Variants in LPP observed in about 807,000 individuals in gnomAD.
LPP encodes the protein LIM domain containing preferred translocation partner in lipoma.
A neutral mutation model predicts 60.4 loss-of-function variants in LPP; 38 were observed. The ratio of observed to expected loss-of-function variants is 0.63; its 90% confidence interval spans 0.49 to 0.83. The LOEUF (loss-of-function observed/expected upper bound fraction) is 0.83, where lower values mean the gene tolerates loss of function less well. Ranked by LOEUF, LPP falls within the 40% of genes least tolerant of loss-of-function variation. The pLI is 0.00. For synonymous variants in LPP, 328 were observed against 290.8 expected (o/e 1.13, Z -1.30); for missense variants, 902 against 783.6 (o/e 1.15, Z -1.80).
intron 3 of LPP, among the ~76,000 whole-genome samples, chr3:188,388,525 CAG>C (rs1227172748): frequency 1.3e-5 from 2 of 152,236 alleles, no homozygotes; most frequent in African/African-American, 4.8e-5. Context: ...AAAGCAGTAA[CAG>C]AACCCACCCA....
At chr3:188,795,071 G>T (rs909228714) in intron 9 of LPP, among the ~76,000 whole-genome samples, 3 of 152,176 alleles carry the variant, frequency 2.0e-5, no homozygotes, top group Admixed American at 2.0e-4. Flanking sequence ...GGAGGTGGAG[G>T]TTGCAGTGAG....
At chr3:188,704,924 T>C (rs1300938600) in intron 7 of LPP, among the ~76,000 whole-genome samples, 1 of 151,986 alleles carries the variant, frequency 6.6e-6, no homozygotes, top group Non-Finnish European at 1.5e-5. Flanking sequence ...TTCCTATTTT[T>C]CCACCTGTCC....
At chr3:188,522,548 G>C (rs1388934728) in intron 5 of LPP, among the ~76,000 whole-genome samples, 1 of 151,966 alleles carries the variant, frequency 6.6e-6, no homozygotes, top group African/African-American at 2.4e-5. Flanking sequence ...TTTGGGCTAG[G>C]TCTTGAAAGA....
intron 6 of LPP, among the ~76,000 whole-genome samples, chr3:188,577,803 C>A (rs9863042): frequency 6.5e-5 from 8 of 122,504 alleles, no homozygotes; most frequent in Non-Finnish European, 1.4e-4. Flanking sequence ...CCCTCCCTCC[C>A]TCCTTCCTCC....
At chr3:188,700,475 C>T (rs753746186) in intron 7 of LPP, among the ~76,000 whole-genome samples, 2 of 152,158 alleles carry the variant, frequency 1.3e-5, no homozygotes, top group Admixed American at 6.5e-5. Context: ...GTGGTGTTTT[C>T]CTGGGAGCCA....
At chr3:188,194,239 T>A (rs1477541810) in intron 1 of LPP, among the ~76,000 whole-genome samples, 1 of 152,264 alleles carries the variant, frequency 6.6e-6, no homozygotes, top group Non-Finnish European at 1.5e-5. Flanking sequence ...TTTTTTCCTC[T>A]GTACTTCGTA....
chr3:188,257,440 G>C (rs1732032458), intron 2 of LPP, among the ~76,000 whole-genome samples: 1 of 152,132 alleles, frequency 6.6e-6, no homozygotes, highest in Non-Finnish European at 1.5e-5. Flanking sequence ...GAAAAGACAA[G>C]ATTTAACGAC....
intron 7 of LPP, among the ~76,000 whole-genome samples, chr3:188,693,815 T>C (rs952298583): frequency 2.0e-5 from 3 of 152,172 alleles, no homozygotes; most frequent in Non-Finnish European, 4.4e-5. Context: ...TTGCCAAGAA[T>C]GAGCATACTT....
intron 4 of LPP, among the ~76,000 whole-genome samples, chr3:188,454,598 G>A (rs766012467): frequency 2.6e-5 from 4 of 152,116 alleles, no homozygotes; most frequent in African/African-American, 7.2e-5. Flanking sequence ...AGACATACCC[G>A]AGACTGGGAA....
intron 6 of LPP, among the ~76,000 whole-genome samples, chr3:188,534,117 T>C (rs1822932876): frequency 6.6e-6 from 1 of 152,226 alleles, no homozygotes; most frequent in Non-Finnish European, 1.5e-5. Flanking sequence ...GAATGTATCT[T>C]AGCTCCTAGT....
At chr3:188,554,875 G>T (rs771498718) in intron 6 of LPP, among the ~76,000 whole-genome samples, 2 of 152,102 alleles carry the variant, frequency 1.3e-5, no homozygotes, top group Non-Finnish European at 2.9e-5. Context: ...GTACAGCTAT[G>T]CATAAAACAA....
chr3:188,768,633 A>G (rs985673214), intron 9 of LPP, among the ~76,000 whole-genome samples: 5 of 152,198 alleles, frequency 3.3e-5, no homozygotes, highest in Admixed American at 3.3e-4. Flanking sequence ...TAGTATTTAC[A>G]TATTTCGATT....
At chr3:188,515,190 C>T (rs1816989701) in intron 5 of LPP, among the ~76,000 whole-genome samples, 1 of 152,030 alleles carries the variant, frequency 6.6e-6, no homozygotes, top group African/African-American at 2.4e-5. Flanking sequence ...AGAGGTGAAT[C>T]TCTTATGGGG....
At chr3:188,420,156 C>G (rs1787410670) in intron 4 of LPP, among the ~76,000 whole-genome samples, 1 of 151,944 alleles carries the variant, frequency 6.6e-6, no homozygotes, top group South Asian at 2.1e-4. Context: ...AAAAAATAAT[C>G]TTAGTTGTAT....
At chr3:188,780,692 A>T (rs1352403955) in intron 9 of LPP, among the ~76,000 whole-genome samples, 1 of 151,924 alleles carries the variant, frequency 6.6e-6, no homozygotes, top group Non-Finnish European at 1.5e-5. Flanking sequence ...TGACCTCAAG[A>T]CCATTGTTCC....
At chr3:188,563,642 TACAA>T (rs1831329894) in intron 6 of LPP, among the ~76,000 whole-genome samples, 3 of 151,928 alleles carry the variant, frequency 2.0e-5, no homozygotes, top group African/African-American at 7.2e-5. Flanking sequence ...TTTTCTTTAT[TACAA>T]ACAATGTTAA....
chr3:188,162,082 C>T (rs1438515821), intron 1 of LPP, among the ~76,000 whole-genome samples: 1 of 152,200 alleles, frequency 6.6e-6, no homozygotes, highest in Non-Finnish European at 1.5e-5. Context: ...GTAGATCCTC[C>T]TGTGTTTGTC....
At chr3:188,374,052 G>T (rs1380269174) in intron 3 of LPP, among the ~76,000 whole-genome samples, 1 of 152,148 alleles carries the variant, frequency 6.6e-6, no homozygotes, top group Admixed American at 6.5e-5. Context: ...GCTCTGTTCT[G>T]TTCCATTGGC....
chr3:188,482,990 T>C (rs1463411364), intron 4 of LPP, among the ~76,000 whole-genome samples: 1 of 152,144 alleles, frequency 6.6e-6, no homozygotes, highest in African/African-American at 2.4e-5. Context: ...AATCTGTATT[T>C]TAAAAAGACA....
Sources: gnomAD v4.1 joint callset for allele counts (sites outside exome capture counted in the v4.1 genomes callset) on GRCh38, gnomAD v4.1.1 for gene constraint, MANE v1.5 for transcripts, NCBI Gene and HGNC (gene_info 2026-07-23, HGNC 2026-07-21) for gene names.